RNF8: variants seen among roughly 807,000 people sequenced by gnomAD.
The protein encoded by RNF8 is ring finger protein 8.
A neutral mutation model predicts 59.3 loss-of-function variants in RNF8; 8 were observed. That is an observed-to-expected ratio of 0.13 (90% confidence interval 0.08 to 0.24). The LOEUF (loss-of-function observed/expected upper bound fraction) is 0.24, where lower values mean the gene tolerates loss of function less well. RNF8 is among the 10% of genes least tolerant of loss of function. RNF8 has a pLI of 1.00. For missense variants in RNF8, 406 were observed against 572.6 expected, an observed-to-expected ratio of 0.71 and a Z score of 2.97; for synonymous variants, 162 against 200.0, an observed-to-expected ratio of 0.81 and a Z score of 1.60.
At chr6:37,371,353 C>G (rs1206807286) in intron 3 of RNF8, among the ~76,000 whole-genome samples, 159 bp from the exon 4 acceptor site, 3 of 152,104 alleles carry the variant, frequency 2.0e-5, no homozygotes, top group Admixed American at 6.5e-5. Flanking sequence ...TTCTTTACTG[C>G]CAACAGCTTG....
In RNF8 at chr6:37,360,879, C is replaced by T. The variant is rs138114069; in HGVS notation, c.240+305C>T. 1.9e-3 allele frequency among the ~76,000 whole-genome samples: 291 copies of T among 152,200 alleles called. 1 individual carries two copies. The highest frequency in any genetic ancestry group is 3.5e-3 in the South Asian group (17 of 4,800). On this transcript the variant is annotated intron_variant, in intron 2 of 7. Coordinates refer to ENST00000373479, the MANE Select transcript of RNF8 (RefSeq NM_003958.4). The surrounding 1 kb of genome is among the most constrained non-coding windows in gnomAD (Gnocchi z 4.2). ...AAATAAGCCTGTTTGAGGTGAAGCT[C>T]CCAGAGACCCTGGGAATCTGCAGAA...
chr6:37,360,348 C>T lies in RNF8; in HGVS notation c.112-98C>T. The T allele has an allele frequency of 7.0e-7, 1 of 1,435,432 alleles. No individual in the cohort carries two copies. Among genetic ancestry groups the T allele is most frequent in the South Asian group, 1.2e-5 (1 of 83,506 alleles). The allele number at this position is 1,435,432 out of a possible 1,614,324, so 88.9% of individuals were successfully genotyped here. A position where few individuals can be genotyped will look rare whatever the true frequency, so the allele number is the denominator to read the frequency against. On this transcript the variant is annotated intron_variant, in intron 1 of 7. Transcript: ENST00000373479. The surrounding 1 kb of genome is among the most constrained non-coding windows in gnomAD (Gnocchi z 4.2). ...TCCACAGGTGTCTGGTTTCTTAAGT[C>T]AGGACCTGCATATGCTGCTGGTTGA...
intron 2 of RNF8, chr6:37,361,241 G>C (rs889040758): frequency 2.2e-6 from 1 of 454,572 alleles, no homozygotes. Flanking sequence ...TGAGGCCAGA[G>C]GATTGTTTGA....
intron 2 of RNF8, chr6:37,361,069 TTTGAA>T (rs1045005012): frequency 5.7e-6 from 2 of 353,926 alleles, no homozygotes; most frequent in African/African-American, 4.3e-5. Flanking sequence ...GAAGATTTCC[TTTGAA>T]TAATGGGTTT....
Position 37,360,667 on chromosome 6 carries a change from A to C in RNF8, c.240+93A>C. ...AGGTAATTCATGGTATAAAATTCAA[A>C]AGTATAACTTCTTCTTTCCTAGCCA... On this transcript the variant is annotated intron_variant, in intron 2 of 7. Coordinates refer to ENST00000373479, the MANE Select transcript of RNF8 (RefSeq NM_003958.4). This position sits in a 1 kb window ranked among gnomAD's most constrained non-coding sequence, Gnocchi z 4.2. The C allele has an allele frequency of 7.7e-7, 1 of 1,292,268 alleles. No homozygotes were observed. The highest frequency in any genetic ancestry group is 1.1e-6 in the Non-Finnish European group (1 of 952,058). The allele number at this position is 1,292,268 out of a possible 1,614,324, so 80.1% of individuals were successfully genotyped here.
chr6:37,391,044 G>GT lies in RNF8; in HGVS notation c.*295dup, dbSNP rs777715426. The GT allele has an allele frequency of 2.7e-3, 1,451 of 541,260 alleles. 1 individual carries two copies. The highest frequency in any genetic ancestry group is 5.0e-3 in the Middle Eastern group (10 of 2,004). The allele number at this position is 541,260 out of a possible 1,614,324, so 33.5% of individuals were successfully genotyped here. Reference sequence around the variant, plus strand: ...GAAAGAGTTATTTGAGTTCTCTTCTGTTTTTTTTTAATTTGTTGTTGTTGT... The same window carrying GT: ...GAAAGAGTTATTTGAGTTCTCTTCTGTTTTTTTTTTAATTTGTTGTTGTTGT... On this transcript the variant is annotated 3_prime_UTR_variant, in exon 8 of 8. Transcript: ENST00000373479.
At position 37,368,782 on chromosome 6, in the gene RNF8, C is replaced by T. The variant is rs1346310251; in HGVS notation, c.539C>T (p.Ser180Phe). 2 of 1,614,192 alleles carry T rather than the reference C, an allele frequency of 1.2e-6. No individual in the cohort carries two copies. Among genetic ancestry groups the T allele is most frequent in the Admixed American group, 3.3e-5 (2 of 60,028 alleles). Residue 180 changes from serine (S) to phenylalanine (F), a missense_variant, in exon 3 of 8, where the codon TCT (serine) becomes TTT (phenylalanine). Physicochemically the swap from Ser to Phe is radical, Grantham distance 155 (BLOSUM62 -2). Around this residue, in one of 3 missense-constraint regions of RNF8, gnomAD observed 285 missense variants for 342.0 expected, o/e 0.83. Transcript: ENST00000373479. ...SNLKSKINKV[S>F]CESGQPVKSQ... Reference sequence around the variant, plus strand: ...TTGAAATCCAAAATAAATAAAGTGTCTTGTGAATCTGGTCAGCCAGTGAAA... The same window carrying T: ...TTGAAATCCAAAATAAATAAAGTGTTTTGTGAATCTGGTCAGCCAGTGAAA...
intron 2 of RNF8, among the ~76,000 whole-genome samples, chr6:37,365,185 T>G (rs958027341): frequency 9.2e-5 from 14 of 152,120 alleles, no homozygotes; most frequent in Non-Finnish European, 2.1e-4. Flanking sequence ...TATAACAAAC[T>G]GCCGATAATG....
chr6:37,388,988 C>G (rs1288121621), intron 7 of RNF8, among the ~76,000 whole-genome samples: 1 of 151,276 alleles, frequency 6.6e-6, no homozygotes, highest in Non-Finnish European at 1.5e-5. Context: ...TGGCCACACT[C>G]TTGTCTAGGG....
Position 37,390,833 on chromosome 6 carries a change from C to T in RNF8, c.*75C>T, listed in dbSNP as rs199891017. 2.9e-5 allele frequency: 47 copies of T among 1,613,704 alleles called. No homozygotes were observed. The highest frequency in any genetic ancestry group is 4.0e-5 in the Non-Finnish European group (47 of 1,179,600). ...AGATGGTCTGGAGGATTCTCTCTAG[C>T]CGTGACTCCGCTGCTCTGAAGGTCA... On this transcript the variant is annotated 3_prime_UTR_variant, in exon 8 of 8. Transcript: ENST00000373479.
At chr6:37,377,697 A>G (rs975874653) in intron 6 of RNF8, among the ~76,000 whole-genome samples, 2 of 152,366 alleles carry the variant, frequency 1.3e-5, no homozygotes, top group African/African-American at 4.8e-5. Flanking sequence ...GCTGCTCAAT[A>G]AAAGCTATTC....
intron 2 of RNF8, among the ~76,000 whole-genome samples, chr6:37,362,695 A>G (rs1311704411): frequency 6.6e-6 from 1 of 152,090 alleles, no homozygotes; most frequent in East Asian, 1.9e-4. Context: ...GCTGTAGGGT[A>G]TTATTGCTGT....
At position 37,371,538 on chromosome 6, in the gene RNF8, G is replaced by T. The variant is rs1490304463; in HGVS notation, c.1002G>T (p.Lys334Asn). ...GTTTGGAGATAGCCCAAGGAGAAAAGGACCTGAAGCAACAGCTGGCCCAGG... is the reference window on the plus strand; with the variant it reads ...GTTTGGAGATAGCCCAAGGAGAAAATGACCTGAAGCAACAGCTGGCCCAGG... Reference protein sequence around the residue: ...LQGLEIAQGEKDLKQQLAQAL... With the variant: ...LQGLEIAQGENDLKQQLAQAL... Residue 334 changes from lysine (K) to asparagine (N), a missense_variant, in exon 4 of 8, where the codon AAG becomes AAT. Lys to Asn is a moderately conservative substitution (Grantham distance 94). Coordinates refer to ENST00000373479, the MANE Select transcript of RNF8 (RefSeq NM_003958.4). 5.6e-6 allele frequency: 9 copies of T among 1,613,972 alleles called. No homozygotes were observed. Among genetic ancestry groups the T allele is most frequent in the Non-Finnish European group, 6.8e-6 (8 of 1,179,960 alleles).
At chr6:37,377,061 CTTTTTTTTTTTTTTTTT>C in intron 6 of RNF8, 28 bp downstream of exon 6, 1 of 256,566 alleles carries the variant, frequency 3.9e-6, no homozygotes, top group Non-Finnish European at 7.6e-6. Flanking sequence ...CTCACCCCTT[CTTTTTTTTTTTTTTTTT>C]TTTTTTTTTT....
chr6:37,386,587 A>G (rs988648214), intron 7 of RNF8, among the ~76,000 whole-genome samples: 1 of 152,194 alleles, frequency 6.6e-6, no homozygotes, highest in Admixed American at 6.5e-5. Context: ...CTGGGCTACA[A>G]TAGCTTTAAA....
rs1315510081 is a variant in RNF8, at chr6:37,369,080, G to A, written c.837G>A (p.Lys279=). The part of the protein sequence containing the change: ...AVMNVKKQTQ[K]GNSKKVVQME... ...TGAATGTGAAAAAGCAGACCCAAAA[G>A]GGGAACTCAAAGAAAGTTGTGCAAA... The change falls in exon 3 of 8, where the codon AAG becomes AAA. Residue 279 remains lysine, a synonymous_variant. Coordinates refer to ENST00000373479, the MANE Select transcript of RNF8 (RefSeq NM_003958.4). 2 of 1,614,104 alleles carry A rather than the reference G, an allele frequency of 1.2e-6. No individual in the cohort carries two copies. Among genetic ancestry groups the A allele is most frequent in the Non-Finnish European group, 1.7e-6 (2 of 1,180,048 alleles).
intron 1 of RNF8, 81 bp downstream of exon 1, chr6:37,354,356 T>C: frequency 9.1e-7 from 1 of 1,100,426 alleles, no homozygotes; most frequent in Non-Finnish European, 1.3e-6. Context: ...GGTGTCTTGC[T>C]GGGCTGAATG....
Position 37,357,797 on chromosome 6 carries a change from A to C in RNF8, c.112-2649A>C, listed in dbSNP as rs573939404. 1.7e-3 allele frequency among the ~76,000 whole-genome samples: 266 copies of C among 152,240 alleles called. 1 individual carries two copies. The highest frequency in any genetic ancestry group is 6.3e-3 in the African/African-American group (260 of 41,530). On this transcript the variant is annotated intron_variant, in intron 1 of 7. Transcript: ENST00000373479. The stretch of plus-strand genomic sequence containing the variant: ...TCTGACCTAAAAACACCCACCCTAA[A>C]ATCTTGAGGACTCATATGCAAGACC...
intron 6 of RNF8, among the ~76,000 whole-genome samples, chr6:37,378,927 C>G (rs1394622705): frequency 6.6e-6 from 1 of 152,136 alleles, no homozygotes; most frequent in Non-Finnish European, 1.5e-5. Context: ...ACAACTTGAC[C>G]CTGTGTTTTG....
Sources: gnomAD v4.1 joint callset for allele counts (sites outside exome capture counted in the v4.1 genomes callset) on GRCh38, gnomAD v4.1.1 for gene constraint, gnomAD v4.1.1 regional missense constraint, Gnocchi (gnomAD v3.1) non-coding constraint, MANE v1.5 for transcripts, NCBI Gene and HGNC (gene_info 2026-07-23, HGNC 2026-07-21) for gene names.